ZNF536: variants seen among roughly 807,000 people sequenced by gnomAD.
ZNF536 encodes the protein zinc finger protein 536.
Under a neutral mutation model 84.5 loss-of-function variants are expected in ZNF536, and 13 were observed. That is an observed-to-expected ratio of 0.15 (90% CI 0.10 to 0.24). The LOEUF (loss-of-function observed/expected upper bound fraction) is 0.24. Ranked by LOEUF, ZNF536 falls within the 10% of genes least tolerant of loss-of-function variation. ZNF536 has a pLI of 1.00. For missense variants in ZNF536, 1,536 were observed against 1,747.5 expected (o/e 0.88, Z 2.16); for synonymous variants, 811 against 742.5 (o/e 1.09, Z -1.50).
chr19:30,296,531 G>A (rs1480358065), intron 2 of ZNF536, among the ~76,000 whole-genome samples: 3 of 152,194 alleles, frequency 2.0e-5, no homozygotes, highest in African/African-American at 7.2e-5. Flanking sequence ...AGGAGATTCT[G>A]TGAACTAGCC....
chr19:30,288,561 T>C (rs868024091), intron 2 of ZNF536, among the ~76,000 whole-genome samples: 5 of 152,192 alleles, frequency 3.3e-5, no homozygotes, highest in African/African-American at 1.2e-4. Context: ...GAGAATGTAC[T>C]GAAGAAAAAA....
Position 30,282,114 on chromosome 19 carries a change from G to C in ZNF536, c.-189-1958G>C, listed in dbSNP as rs1019738337. ...AGATGGAGTCACCTTTCCCCGACCC[G>C]CAGTGACTGTAACAACATCAGACAC... On this transcript the variant is annotated intron_variant, in intron 1 of 5. Coordinates refer to the ZNF536 transcript ENST00000585628. Among the ~76,000 whole-genome samples the C allele has an allele frequency of 4.6e-5, 7 of 152,254 alleles. No homozygotes were observed. The East Asian group carries it at 1.4e-3, about 29-fold the overall frequency.
chr19:30,315,379 T>C (rs1213845207), intron 2 of ZNF536, among the ~76,000 whole-genome samples: 1 of 151,738 alleles, frequency 6.6e-6, no homozygotes, highest in African/African-American at 2.4e-5. Flanking sequence ...CTGGAGGAGG[T>C]GGCCTGGAAA....
chr19:30,350,288 GT>G (rs1368595296), intron 2 of ZNF536, among the ~76,000 whole-genome samples: 2 of 152,190 alleles, frequency 1.3e-5, no homozygotes, highest in Non-Finnish European at 2.9e-5. Context: ...TAGTAAGCAG[GT>G]GAAATCAAAA....
At chr19:30,329,719 T>C (rs1012870258) in intron 2 of ZNF536, among the ~76,000 whole-genome samples, 9 of 152,214 alleles carry the variant, frequency 5.9e-5, no homozygotes, top group African/African-American at 2.2e-4. Flanking sequence ...GGTGGTGCTA[T>C]GTGTTCTTAA....
intron 1 of ZNF536, among the ~76,000 whole-genome samples, chr19:30,273,772 C>T (rs184835924): frequency 2.6e-5 from 4 of 152,166 alleles, no homozygotes; most frequent in East Asian, 1.9e-4. Flanking sequence ...TTTATGTGGC[C>T]GAGCAGCATC....
intron 1 of ZNF536, among the ~76,000 whole-genome samples, chr19:30,615,738 A>T (rs1292526472): frequency 6.6e-6 from 1 of 152,168 alleles, no homozygotes; most frequent in Non-Finnish European, 1.5e-5. Flanking sequence ...TAATATTGTT[A>T]TGACTTGGAG....
chr19:30,237,384 C>T (rs900136314), intron 1 of ZNF536, among the ~76,000 whole-genome samples: 1 of 152,078 alleles, frequency 6.6e-6, no homozygotes, highest in Non-Finnish European at 1.5e-5. Flanking sequence ...GGCCAGGCAG[C>T]CTGGGGAGGC....
intron 1 of ZNF536, among the ~76,000 whole-genome samples, chr19:30,412,282 G>C (rs1446885130): frequency 1.3e-5 from 2 of 151,922 alleles, no homozygotes; most frequent in African/African-American, 2.4e-5. Flanking sequence ...CCAGGACAGA[G>C]TGTCTTGTTG....
intron 1 of ZNF536, among the ~76,000 whole-genome samples, chr19:30,638,784 G>A (rs903193755): frequency 2.6e-5 from 4 of 152,170 alleles, no homozygotes; most frequent in Admixed American, 1.3e-4. Context: ...TAGGACAAGA[G>A]CAAAACTTTA....
intron 1 of ZNF536, among the ~76,000 whole-genome samples, chr19:30,634,547 G>A (rs926307446): frequency 2.6e-5 from 4 of 152,074 alleles, no homozygotes; most frequent in South Asian, 2.1e-4. Context: ...ACCCCTGGTC[G>A]GAGCAGTCCC....
intron 1 of ZNF536, among the ~76,000 whole-genome samples, chr19:30,706,529 GA>G (rs1438039792): frequency 2.0e-5 from 3 of 151,784 alleles, no homozygotes; most frequent in African/African-American, 7.3e-5. Flanking sequence ...CAGTTTTGCT[GA>G]TGAACAAAAA....
intron 1 of ZNF536, among the ~76,000 whole-genome samples, chr19:30,698,951 G>T (rs1445160616): frequency 2.0e-5 from 3 of 152,194 alleles, no homozygotes; most frequent in Admixed American, 6.5e-5. Context: ...AATCATTTAT[G>T]CCAGTATGAT....
At chr19:30,707,083 T>G in intron 1 of ZNF536, among the ~76,000 whole-genome samples, 1 of 152,262 alleles carries the variant, frequency 6.6e-6, no homozygotes, top group South Asian at 2.1e-4. Context: ...GGGCATAGCT[T>G]CGGGCCCACA....
At chr19:30,456,170 CT>C (rs376138217) in intron 2 of ZNF536, among the ~76,000 whole-genome samples, 106 of 152,134 alleles carry the variant, frequency 7.0e-4, no homozygotes, top group African/African-American at 2.4e-3. Context: ...AATAGTTATA[CT>C]TTTTTTTCCC....
At chr19:30,529,746 A>G (rs950622954) in intron 2 of ZNF536, among the ~76,000 whole-genome samples, 1 of 152,188 alleles carries the variant, frequency 6.6e-6, no homozygotes, top group African/African-American at 2.4e-5. Context: ...AGTCACTTTC[A>G]GCTTGTAGGC....
chr19:30,676,095 A>C (rs1474155877), intron 1 of ZNF536, among the ~76,000 whole-genome samples: 2 of 152,176 alleles, frequency 1.3e-5, no homozygotes, highest in Non-Finnish European at 2.9e-5. Flanking sequence ...TCCCGGGGTC[A>C]AGAGATCCTC....
intron 1 of ZNF536, among the ~76,000 whole-genome samples, chr19:30,413,828 A>C (rs994161182): frequency 4.6e-5 from 7 of 152,054 alleles, no homozygotes; most frequent in Non-Finnish European, 8.8e-5. Flanking sequence ...ACGGTGGTTC[A>C]CGCCTGTAAT....
chr19:30,643,710 A>G (rs1035426129), intron 1 of ZNF536, among the ~76,000 whole-genome samples: 11 of 151,932 alleles, frequency 7.2e-5, no homozygotes, highest in Non-Finnish European at 1.3e-4. Flanking sequence ...GTGGGAGGTG[A>G]GTTTTCACGT....
Sources: gnomAD v4.1 joint callset for allele counts (sites outside exome capture counted in the v4.1 genomes callset) on GRCh38, gnomAD v4.1.1 for gene constraint, MANE v1.5 for transcripts, NCBI Gene and HGNC (gene_info 2026-07-23, HGNC 2026-07-21) for gene names.